PRKN: variants seen among roughly 807,000 people sequenced by gnomAD.
PRKN encodes the protein E3 ubiquitin-protein ligase parkin.
PRKN carries 56 observed loss-of-function variants against 59.5 expected under a neutral mutation model. The observed-to-expected ratio is 0.94, with a 90% CI of 0.76 to 1.18. The LOEUF is 1.18. PRKN is among the 50% of genes most tolerant of loss of function. PRKN has a pLI of 0.00. For synonymous variants in PRKN, 250 were observed against 222.1 expected (o/e 1.13, Z -1.12); for missense variants, 657 against 596.4 (o/e 1.10, Z -1.06).
chr6:161,754,015 AT>A (rs1354858118), intron 7 of PRKN, among the ~76,000 whole-genome samples: 2 of 152,176 alleles, frequency 1.3e-5, no homozygotes, highest in South Asian at 4.2e-4. Context: ...CCCAGTGTGT[AT>A]CTGCGGAGGA....
intron 1 of PRKN, among the ~76,000 whole-genome samples, chr6:162,682,538 A>C (rs980411944): frequency 6.6e-6 from 1 of 152,148 alleles, no homozygotes; most frequent in Non-Finnish European, 1.5e-5. Flanking sequence ...CACTTATAAG[A>C]GGAAGCTAAA....
At chr6:162,501,197 C>T (rs1270813555) in intron 1 of PRKN, among the ~76,000 whole-genome samples, 3 of 152,198 alleles carry the variant, frequency 2.0e-5, no homozygotes, top group Non-Finnish European at 4.4e-5. Context: ...TATCCCTCCT[C>T]CCCCAAGCTC....
At chr6:162,253,684 T>C (rs1280748962) in intron 3 of PRKN, among the ~76,000 whole-genome samples, 1 of 152,066 alleles carries the variant, frequency 6.6e-6, no homozygotes, top group Non-Finnish European at 1.5e-5. Context: ...TTGTTAAATA[T>C]GAGACACCAC....
chr6:162,118,150 G>A (rs1583058456), intron 4 of PRKN, among the ~76,000 whole-genome samples: 2 of 152,098 alleles, frequency 1.3e-5, no homozygotes, highest in African/African-American at 2.4e-5. Flanking sequence ...AGTGGCTCAC[G>A]CCTGTAATGC....
intron 5 of PRKN, among the ~76,000 whole-genome samples, chr6:162,031,538 C>CTTTT (rs57437847): frequency 9.9e-5 from 14 of 141,228 alleles, no homozygotes; most frequent in African/African-American, 3.4e-4. Flanking sequence ...TTTTCTTTTT[C>CTTTT]TTTTTTTTTT....
At chr6:161,753,591 G>A (rs1788785095) in intron 7 of PRKN, among the ~76,000 whole-genome samples, 4 of 152,210 alleles carry the variant, frequency 2.6e-5, no homozygotes, top group Admixed American at 2.6e-4. Flanking sequence ...GCATGGGAGA[G>A]GAGAGCATGT....
intron 7 of PRKN, among the ~76,000 whole-genome samples, chr6:161,689,185 TACACACACACACACACACACACACAC>T (rs34193135): frequency 2.8e-5 from 4 of 144,186 alleles, no homozygotes; most frequent in South Asian, 2.4e-4. Flanking sequence ...AATTAAATTG[TACACACACACACACACACACACACAC>T]ACACACACAC....
chr6:161,699,003 A>T (rs1786137579), intron 7 of PRKN, among the ~76,000 whole-genome samples: 3 of 152,198 alleles, frequency 2.0e-5, no homozygotes, highest in Non-Finnish European at 4.4e-5. Flanking sequence ...GATAAAGGAC[A>T]TGTAACTAGA....
intron 1 of PRKN, among the ~76,000 whole-genome samples, chr6:162,454,315 C>G (rs896570073): frequency 3.9e-5 from 6 of 152,192 alleles, no homozygotes; most frequent in African/African-American, 1.4e-4. Flanking sequence ...TATTCCACTA[C>G]ACTTTATAGT....
rs1402085231 is a variant in PRKN at position 162,190,205 on chromosome 6, G to A, written c.534+10926C>T. Among the ~76,000 whole-genome samples, 8 of 152,180 alleles carry A rather than the reference G, an allele frequency of 5.3e-5. No homozygotes were observed. In the East Asian group the frequency reaches 1.4e-3, roughly 26 times the overall value. On this transcript the variant is annotated intron_variant, in intron 4 of 11. Transcript: ENST00000366898. ...TACAACAAACCCACTTGGCTAACTA[G>A]TCACTTTACAAATCATATTCTATGA... is the stretch of plus-strand genomic sequence containing the variant.
intron 5 of PRKN, among the ~76,000 whole-genome samples, chr6:161,986,749 AATCCCCCCC>A (rs1385412001): frequency 2.7e-5 from 4 of 149,650 alleles, no homozygotes; most frequent in Non-Finnish European, 3.0e-5. Context: ...TTATTTGGAA[AATCCCCCCC>A]ACTCCCTGGA....
chr6:161,586,916 C>G (rs552356911), intron 7 of PRKN, among the ~76,000 whole-genome samples: 1 of 152,158 alleles, frequency 6.6e-6, no homozygotes, highest in Non-Finnish European at 1.5e-5. Context: ...ATGGTCTAGA[C>G]ACTAGCAAGC....
At chr6:161,645,900 G>T (rs1328164993) in intron 7 of PRKN, among the ~76,000 whole-genome samples, 1 of 151,546 alleles carries the variant, frequency 6.6e-6, no homozygotes, top group Non-Finnish European at 1.5e-5. Context: ...GGTGGCGGAG[G>T]AGGCGGCGTA....
chr6:161,982,139 C>T (rs1440567486), intron 5 of PRKN, among the ~76,000 whole-genome samples: 1 of 152,054 alleles, frequency 6.6e-6, no homozygotes, highest in Admixed American at 6.6e-5. Flanking sequence ...TGCCACTCAG[C>T]CATAATTTGA....
intron 6 of PRKN, among the ~76,000 whole-genome samples, chr6:161,922,519 A>G (rs1778823569): frequency 6.6e-6 from 1 of 152,230 alleles, no homozygotes; most frequent in Non-Finnish European, 1.5e-5. Context: ...GTACACGTGC[A>G]CATACATATA....
chr6:161,799,765 T>G (rs1179293954), intron 6 of PRKN, among the ~76,000 whole-genome samples: 1 of 152,224 alleles, frequency 6.6e-6, no homozygotes, highest in African/African-American at 2.4e-5. Context: ...GCTGGTGCAC[T>G]GCCCATGCTG....
intron 7 of PRKN, among the ~76,000 whole-genome samples, chr6:161,670,549 C>T (rs1336578128): frequency 8.5e-5 from 13 of 152,188 alleles, no homozygotes; most frequent in African/African-American, 3.1e-4. Flanking sequence ...GGCGCAGTGG[C>T]TCACGCCTGT....
At chr6:161,632,700 C>T (rs1783360796) in intron 7 of PRKN, among the ~76,000 whole-genome samples, 1 of 152,162 alleles carries the variant, frequency 6.6e-6, no homozygotes, top group Non-Finnish European at 1.5e-5. Flanking sequence ...CACAGTTCCA[C>T]AGCTCTGGGG....
intron 9 of PRKN, among the ~76,000 whole-genome samples, chr6:161,432,313 CAT>C (rs1201571626): frequency 2.0e-5 from 3 of 151,204 alleles, no homozygotes; most frequent in Admixed American, 6.6e-5. Context: ...CCTTGGAACA[CAT>C]GTTAGCATAT....
Sources: allele counts gnomAD v4.1 joint callset (sites outside exome capture counted in the v4.1 genomes callset), GRCh38; gene constraint gnomAD v4.1.1; transcripts MANE v1.5; gene names NCBI Gene and HGNC (gene_info 2026-07-23, HGNC 2026-07-21).